Variants in SLC25A48 observed in about 807,000 individuals in gnomAD.
SLC25A48 encodes the protein solute carrier family 25 member 48.
Under a neutral mutation model 32.2 loss-of-function variants are expected in SLC25A48, and 29 were observed. The observed-to-expected ratio is 0.90, with a 90% confidence interval of 0.67 to 1.23. The LOEUF (loss-of-function observed/expected upper bound fraction) is 1.23, where lower values mean the gene tolerates loss of function less well. Among genes scored for constraint, SLC25A48 ranks in the 50% most tolerant of loss-of-function variants. The pLI is 0.00. For synonymous variants in SLC25A48, 164 were observed against 172.3 expected, an observed-to-expected ratio of 0.95 and a Z score of 0.38; for missense variants, 399 against 422.7, an observed-to-expected ratio of 0.94 and a Z score of 0.49.
chr5:135,678,873 T>G (rs753324257), intron 3 of SLC25A48, among the ~76,000 whole-genome samples: 1 of 152,188 alleles, frequency 6.6e-6, no homozygotes, highest in Non-Finnish European at 1.5e-5. Flanking sequence ...AAAATTTTTC[T>G]GGGGACAAGG....
intron 3 of SLC25A48, among the ~76,000 whole-genome samples, chr5:135,709,664 TTGAATCTTGGCTTGC>T (rs1351273327): frequency 2.0e-5 from 3 of 152,334 alleles, no homozygotes; most frequent in Admixed American, 2.0e-4. Flanking sequence ...AATCCTGTGT[TTGAATCTTGGCTTGC>T]TGACTATGTT....
chr5:135,823,738 T>C (rs1561510469), intron 4 of SLC25A48, among the ~76,000 whole-genome samples: 1 of 152,178 alleles, frequency 6.6e-6, no homozygotes, highest in African/African-American at 2.4e-5. Flanking sequence ...AAGAAGGTGA[T>C]GCCACTAAGC....
intron 3 of SLC25A48, among the ~76,000 whole-genome samples, chr5:135,685,286 C>T (rs144521151): frequency 4.0e-3 from 607 of 150,624 alleles, no homozygotes; most frequent in Non-Finnish European, 6.7e-3. Flanking sequence ...TTTGTAGAAA[C>T]TCTTTATATA....
chr5:135,670,856 G>A (rs1486159131), intron 3 of SLC25A48, among the ~76,000 whole-genome samples: 2 of 152,168 alleles, frequency 1.3e-5, no homozygotes, highest in Non-Finnish European at 2.9e-5. Flanking sequence ...AAGGGACATT[G>A]TCTCATACTA....
intron 4 of SLC25A48, among the ~76,000 whole-genome samples, chr5:135,856,351 C>A (rs952833969): frequency 4.6e-5 from 7 of 152,210 alleles, no homozygotes; most frequent in Non-Finnish European, 1.0e-4. Context: ...CTCTCCCTGG[C>A]AGCCTTCTGA....
chr5:135,832,337 G>A (rs1035916394), upstream of SLC25A48, among the ~76,000 whole-genome samples: 7 of 152,200 alleles, frequency 4.6e-5, no homozygotes, highest in African/African-American at 1.7e-4. Flanking sequence ...CTGGGTGAGG[G>A]CAGGAATCTG....
intron 4 of SLC25A48, 98 bp downstream of exon 4, chr5:135,852,919 C>A (rs1760017502): frequency 2.8e-6 from 4 of 1,451,142 alleles, no homozygotes; most frequent in Non-Finnish European, 3.7e-6. Flanking sequence ...TTTTATTGAG[C>A]AAGGCATCTA....
At chr5:135,860,074 T>C (rs1760661663) in intron 4 of SLC25A48, among the ~76,000 whole-genome samples, 1 of 152,188 alleles carries the variant, frequency 6.6e-6, no homozygotes, top group Admixed American at 6.5e-5. Flanking sequence ...TCATTTAAAG[T>C]ATAAACTAAA....
At chr5:135,671,320 G>A (rs1304095740) in intron 3 of SLC25A48, among the ~76,000 whole-genome samples, 3 of 152,190 alleles carry the variant, frequency 2.0e-5, no homozygotes, top group Non-Finnish European at 2.9e-5. Flanking sequence ...CCTTTATGTA[G>A]CAGGCTCTCT....
At chr5:135,697,613 C>A (rs556863713) in intron 3 of SLC25A48, among the ~76,000 whole-genome samples, 2 of 152,308 alleles carry the variant, frequency 1.3e-5, no homozygotes, top group African/African-American at 4.8e-5. Context: ...TGTGCCAGTG[C>A]CATGATAAAA....
At chr5:135,760,291 C>G (rs1168494787) in intron 3 of SLC25A48, among the ~76,000 whole-genome samples, 2 of 152,194 alleles carry the variant, frequency 1.3e-5, no homozygotes, top group African/African-American at 2.4e-5. Context: ...GGGGAGCACA[C>G]AGGGTTTTCC....
chr5:135,846,178 G>A (rs528908060), intron 2 of SLC25A48, among the ~76,000 whole-genome samples: 8 of 152,310 alleles, frequency 5.3e-5, no homozygotes, highest in Middle Eastern at 3.4e-3. Context: ...ATGAGAATCT[G>A]ATGCCTGATT....
intron 3 of SLC25A48, among the ~76,000 whole-genome samples, chr5:135,690,178 G>A (rs1193834657): frequency 3.9e-5 from 6 of 152,168 alleles, no homozygotes; most frequent in African/African-American, 9.7e-5. Context: ...CTATGCCTCC[G>A]TCTTCTTATC....
rs147036419 is a variant in SLC25A48, at chr5:135,853,557, C to T, written c.421+736C>T. Among the ~76,000 whole-genome samples the T allele has an allele frequency of 3.4e-4, 52 of 152,328 alleles. No homozygotes were observed. The East Asian group carries it at 8.7e-3, about 25-fold the overall frequency. ...TGTCTTTCTCATCCATAAGAAGTAACTCTTCATCCGTTAAATATTATCATG... is the reference window on the plus strand; with the variant it reads ...TGTCTTTCTCATCCATAAGAAGTAATTCTTCATCCGTTAAATATTATCATG... On this transcript the variant is annotated intron_variant, in intron 4 of 7. Coordinates refer to ENST00000681962, the MANE Select transcript of SLC25A48 (RefSeq NM_001349336.2).
rs138207450 is a variant in SLC25A48 at position 135,835,407 on chromosome 5, C to T, written c.46+514C>T. Among the ~76,000 whole-genome samples the T allele has an allele frequency of 4.2e-3, 639 of 152,214 alleles. 3 individuals are homozygous for T. Among genetic ancestry groups the T allele is most frequent in the Non-Finnish European group, 6.6e-3 (447 of 68,018 alleles). ...GGGAGCGGAGCGCCGGCTGCAGGTGCCCATTGCCAGGCTGCGAGGAGCACT... is the reference window on the plus strand; with the variant it reads ...GGGAGCGGAGCGCCGGCTGCAGGTGTCCATTGCCAGGCTGCGAGGAGCACT... On this transcript the variant is annotated intron_variant, in intron 1 of 7. Transcript: ENST00000681962.
intron 3 of SLC25A48, among the ~76,000 whole-genome samples, chr5:135,788,768 G>C (rs1756928837): frequency 6.6e-6 from 1 of 150,638 alleles, no homozygotes; most frequent in Admixed American, 6.6e-5. Context: ...TAATATCCGT[G>C]GGTTGGGGAG....
At chr5:135,858,313 C>T (rs745378194) in intron 4 of SLC25A48, among the ~76,000 whole-genome samples, 25 of 152,278 alleles carry the variant, frequency 1.6e-4, no homozygotes, top group African/African-American at 5.5e-4. Context: ...CTGGGCTCAT[C>T]GGCTTAGCAC....
chr5:135,828,621 T>A (rs921669258), intron 4 of SLC25A48, among the ~76,000 whole-genome samples: 2 of 152,222 alleles, frequency 1.3e-5, no homozygotes, highest in African/African-American at 4.8e-5. Flanking sequence ...GCAAGGAGCC[T>A]GAGCCAGCCT....
rs147005349 is a variant in SLC25A48 at position 135,886,588 on chromosome 5, AATAT to A, written c.*8-1398_*8-1395del. Among the ~76,000 whole-genome samples the A allele has an allele frequency of 5.7e-3, 203 of 35,330 alleles. 2 individuals carry two copies. Among genetic ancestry groups the A allele is most frequent in the African/African-American group, 0.019 (106 of 5,596 alleles). The allele number at this position is 35,330 out of a possible 152,430, so 23.2% of individuals were successfully genotyped here. On this transcript the variant is annotated intron_variant, in intron 7 of 7. Transcript: ENST00000681962. ...AACACATTATGGTTCTATTTAACCA[AATAT>A]ATATATATATATATATATATATATA...
Sources: allele counts gnomAD v4.1 joint callset (sites outside exome capture counted in the v4.1 genomes callset), GRCh38; gene constraint gnomAD v4.1.1; transcripts MANE v1.5; gene names NCBI Gene and HGNC (gene_info 2026-07-23, HGNC 2026-07-21).